Variants in CLSTN2 observed in about 807,000 individuals in gnomAD.
CLSTN2 encodes the protein calsyntenin-2.
CLSTN2 carries 48 observed loss-of-function variants against 101.2 expected under a neutral mutation model. That is an observed-to-expected ratio of 0.47 (90% CI 0.38 to 0.60). CLSTN2 has a LOEUF of 0.60. Ranked by LOEUF, CLSTN2 falls within the 20% of genes least tolerant of loss-of-function variation. The probability of loss-of-function intolerance (pLI) is 0.00; values close to 1 mark genes in which losing one functional copy is unlikely to be tolerated. For synonymous variants in CLSTN2, 481 were observed against 463.6 expected (o/e 1.04, Z -0.48); for missense variants, 1,160 against 1,238.2 (o/e 0.94, Z 0.95).
At chr3:140,128,950 G>C (rs968238869) in intron 1 of CLSTN2, among the ~76,000 whole-genome samples, 1 of 152,130 alleles carries the variant, frequency 6.6e-6, no homozygotes, top group African/African-American at 2.4e-5. Flanking sequence ...ATGCAGACAT[G>C]GTGCATACTT....
chr3:140,417,787 G>A (rs1013089726), intron 4 of CLSTN2, among the ~76,000 whole-genome samples: 3 of 152,172 alleles, frequency 2.0e-5, no homozygotes, highest in African/African-American at 7.2e-5. Context: ...TTTTAAATGT[G>A]TATCTTATTG....
Position 140,139,707 on chromosome 3 carries a change from T to C in CLSTN2, c.110-36244T>C, listed in dbSNP as rs535678158. Among the ~76,000 whole-genome samples, 3 of 152,386 alleles carry C rather than the reference T, an allele frequency of 2.0e-5. No individual in the cohort carries two copies. The East Asian group carries it at 5.8e-4, about 29-fold the overall frequency. On this transcript the variant is annotated intron_variant, in intron 1 of 16. Coordinates refer to ENST00000458420, the MANE Select transcript of CLSTN2 (RefSeq NM_022131.3). ...TTCGATCCGACTCTACCAGTGTATA[T>C]TGAATGCCTGCTTTTAAGATGAGTT...
chr3:140,168,312 G>A (rs1373822320), intron 1 of CLSTN2, among the ~76,000 whole-genome samples: 1 of 151,984 alleles, frequency 6.6e-6, no homozygotes, highest in Admixed American at 6.6e-5. Flanking sequence ...CTAATTTGCT[G>A]TTTATATATT....
At chr3:140,464,968 G>C (rs1450605223) in intron 7 of CLSTN2, among the ~76,000 whole-genome samples, 1 of 152,134 alleles carries the variant, frequency 6.6e-6, no homozygotes, top group Non-Finnish European at 1.5e-5. Context: ...GTGTTGCCCT[G>C]GTCATGAGGC....
chr3:140,488,519 T>C (rs890870355), intron 8 of CLSTN2, among the ~76,000 whole-genome samples: 1 of 151,960 alleles, frequency 6.6e-6, no homozygotes, highest in Non-Finnish European at 1.5e-5. Context: ...CCCATGGAAA[T>C]GTTTTGTTGG....
chr3:140,246,958 T>C (rs779640965), intron 2 of CLSTN2, among the ~76,000 whole-genome samples: 13 of 152,154 alleles, frequency 8.5e-5, no homozygotes, highest in Non-Finnish European at 1.9e-4. Flanking sequence ...ATTGTGAGGA[T>C]TCTGAATCAG....
intron 2 of CLSTN2, among the ~76,000 whole-genome samples, chr3:140,353,406 G>A (rs1281589067): frequency 6.6e-6 from 1 of 152,136 alleles, no homozygotes; most frequent in Non-Finnish European, 1.5e-5. Flanking sequence ...TCCAGCATGG[G>A]AGAAAGACGT....
At chr3:140,427,243 A>ATG (rs2088582170) in intron 5 of CLSTN2, among the ~76,000 whole-genome samples, 1 of 141,368 alleles carries the variant, frequency 7.1e-6, no homozygotes, top group African/African-American at 2.8e-5. Context: ...ATATATATAT[A>ATG]TACATATATA....
chr3:140,018,746 G>A (rs1417363418), intron 1 of CLSTN2, among the ~76,000 whole-genome samples: 3 of 152,132 alleles, frequency 2.0e-5, no homozygotes, highest in Non-Finnish European at 4.4e-5. Context: ...ATTTCCAAAC[G>A]AGGGAGGGAT....
At chr3:139,954,882 G>A (rs528081162) in intron 1 of CLSTN2, among the ~76,000 whole-genome samples, 6 of 151,940 alleles carry the variant, frequency 3.9e-5, no homozygotes, top group African/African-American at 1.2e-4. Flanking sequence ...AAGAGACTTA[G>A]TGCACCGAGC....
chr3:139,943,019 C>A (rs1432062107), intron 1 of CLSTN2, among the ~76,000 whole-genome samples: 2 of 152,126 alleles, frequency 1.3e-5, no homozygotes, highest in African/African-American at 4.8e-5. Flanking sequence ...GAGCCTCCTA[C>A]CCCACCCAAG....
chr3:140,413,884 A>T (rs1559862588), intron 4 of CLSTN2, among the ~76,000 whole-genome samples: 1 of 152,152 alleles, frequency 6.6e-6, no homozygotes, highest in Non-Finnish European at 1.5e-5. Context: ...AATAATGTAT[A>T]GAAGGAATGT....
chr3:140,224,424 T>A (rs571082940), intron 2 of CLSTN2, among the ~76,000 whole-genome samples: 2 of 152,212 alleles, frequency 1.3e-5, no homozygotes, highest in South Asian at 2.1e-4. Flanking sequence ...GTAGTTAATA[T>A]GAGCAGGGAC....
At chr3:140,437,930 TTATGTCG>T (rs946393630) in intron 5 of CLSTN2, among the ~76,000 whole-genome samples, 3 of 152,188 alleles carry the variant, frequency 2.0e-5, no homozygotes, top group African/African-American at 7.2e-5. Flanking sequence ...CCACTTAACC[TTATGTCG>T]TATTTATTCC....
intron 1 of CLSTN2, among the ~76,000 whole-genome samples, chr3:140,030,746 A>C (rs1453145469): frequency 6.6e-6 from 1 of 152,212 alleles, no homozygotes; most frequent in African/African-American, 2.4e-5. Context: ...TGAAATGAAA[A>C]TTCCTTCATA....
chr3:139,952,183 T>A (rs1014300448), intron 1 of CLSTN2, among the ~76,000 whole-genome samples: 138 of 152,362 alleles, frequency 9.1e-4, no homozygotes, highest in African/African-American at 2.9e-3. Context: ...AGCCCAACAG[T>A]AACTTCAGGG....
rs1985382254 is a variant in CLSTN2, at chr3:140,568,491, T to G, written c.*2238T>G. ...TCCCAACCAAATAGCCCTTTTCTAT[T>G]AGGCTGTGTCTGTACATCCACAAGA... On this transcript the variant is annotated 3_prime_UTR_variant, in exon 17 of 17. Transcript: ENST00000458420. The G allele has an allele frequency of 6.6e-6, 1 of 152,194 alleles. No homozygotes were observed. The allele number at this position is 152,194 out of a possible 1,614,324, so 9.4% of individuals were successfully genotyped here.
At chr3:140,125,465 G>C (rs1417233803) in intron 1 of CLSTN2, among the ~76,000 whole-genome samples, 1 of 152,132 alleles carries the variant, frequency 6.6e-6, no homozygotes, top group East Asian at 1.9e-4. Context: ...GAGTACATGA[G>C]AGCAGATACC....
At chr3:140,353,623 A>G (rs1323331425) in intron 2 of CLSTN2, among the ~76,000 whole-genome samples, 1 of 152,156 alleles carries the variant, frequency 6.6e-6, no homozygotes, top group Non-Finnish European at 1.5e-5. Flanking sequence ...TCAAGTTGAT[A>G]CTCAGTATTA....
Sources: gnomAD v4.1 joint callset for allele counts (sites outside exome capture counted in the v4.1 genomes callset) on GRCh38, gnomAD v4.1.1 for gene constraint, MANE v1.5 for transcripts, NCBI Gene and HGNC (gene_info 2026-07-23, HGNC 2026-07-21) for gene names.